The following UST variants were observed in gnomAD, a reference collection of about 807,000 sequenced individuals.
UST encodes uronyl 2-sulfotransferase.
Under a neutral mutation model 45.6 loss-of-function variants are expected in UST, and 21 were observed. The observed-to-expected ratio is 0.46, with a 90% CI of 0.33 to 0.66. UST has a LOEUF of 0.66. UST is among the 30% of genes least tolerant of loss of function. The pLI is 0.02. For missense variants in UST, 463 were observed against 512.4 expected, an observed-to-expected ratio of 0.90 and a Z score of 0.93; for synonymous variants, 215 against 200.6, an observed-to-expected ratio of 1.07 and a Z score of -0.61.
intron 2 of UST, among the ~76,000 whole-genome samples, chr6:148,889,527 G>A (rs912665251): frequency 6.6e-6 from 1 of 152,142 alleles, no homozygotes; most frequent in Non-Finnish European, 1.5e-5. Flanking sequence ...GAGGGGCAAG[G>A]TGAAGCACTC....
chr6:148,877,893 TG>T lies in UST; in HGVS notation c.248-9087del, dbSNP rs529871827. On this transcript the variant is annotated intron_variant, in intron 1 of 7. Transcript: ENST00000367463. ...CGAGTGTGGGGATCGTGTATGAGTT[TG>T]GGGGGTCATGTACGAGTGCGGAGAT... Among the ~76,000 whole-genome samples the T allele has an allele frequency of 4.7e-3, 195 of 41,694 alleles. 3 individuals carry two copies. The highest frequency in any genetic ancestry group is 0.018 in the African/African-American group (185 of 10,174). 27.4% of individuals were successfully genotyped at this position (41,694 alleles called of 152,430 possible).
chr6:148,977,924 C>T (rs1039380609), intron 5 of UST, among the ~76,000 whole-genome samples: 5 of 151,982 alleles, frequency 3.3e-5, no homozygotes, highest in Non-Finnish European at 5.9e-5. Flanking sequence ...ATGTATTTTG[C>T]CTTTCCATTT....
At chr6:149,034,853 TC>T (rs1318809514) in intron 7 of UST, among the ~76,000 whole-genome samples, 7 of 100,262 alleles carry the variant, frequency 7.0e-5, no homozygotes, top group African/African-American at 4.0e-4. Context: ...TCTCTCTCTC[TC>T]TCTCTCTCTC....
intron 5 of UST, among the ~76,000 whole-genome samples, chr6:149,003,678 T>C (rs1271290417): frequency 2.0e-5 from 3 of 152,254 alleles, no homozygotes; most frequent in Non-Finnish European, 4.4e-5. Flanking sequence ...TGCACTAAAA[T>C]CTGTAGACTT....
chr6:148,920,067 G>T (rs552420671), intron 2 of UST, among the ~76,000 whole-genome samples: 6 of 151,402 alleles, frequency 4.0e-5, no homozygotes, highest in African/African-American at 1.5e-4. Context: ...TAGAAGGCAG[G>T]TACACAAAAA....
chr6:148,924,002 A>G (rs1003770104), intron 2 of UST, among the ~76,000 whole-genome samples: 3 of 152,146 alleles, frequency 2.0e-5, no homozygotes, highest in African/African-American at 2.4e-5. Context: ...TGATGATTCA[A>G]TGAAATGAGC....
At chr6:149,048,450 C>T (rs962704515) in intron 7 of UST, among the ~76,000 whole-genome samples, 5 of 151,210 alleles carry the variant, frequency 3.3e-5, no homozygotes, top group East Asian at 1.9e-4. Context: ...GCAGGAGAAT[C>T]GCTTGAACCT....
At chr6:148,937,957 C>T (rs1400246278) in intron 2 of UST, among the ~76,000 whole-genome samples, 1 of 152,208 alleles carries the variant, frequency 6.6e-6, no homozygotes, top group African/African-American at 2.4e-5. Flanking sequence ...ATTCAACCTT[C>T]CTGATCATAA....
rs34342100 is a variant in UST, at chr6:148,748,399, T to TTGTGTGTGTGTG, written c.247+765_247+776dup. On this transcript the variant is annotated intron_variant, in intron 1 of 7. Transcript: ENST00000367463. This position sits in a 1 kb window ranked among gnomAD's most constrained non-coding sequence, Gnocchi z 5.3. ...GTGCGTCTCAAGCTCAAGTCAAAAC[T>TTGTGTGTGTGTG]TGTGTGTGTGTGTGTGTGTGTGTGT... Among the ~76,000 whole-genome samples the TTGTGTGTGTGTG allele has an allele frequency of 6.5e-4, 83 of 127,606 alleles. No individual in the cohort carries two copies. Among genetic ancestry groups the TTGTGTGTGTGTG allele is most frequent in the African/African-American group, 1.2e-3 (39 of 32,582 alleles). The allele number at this position is 127,606 out of a possible 152,430, so 83.7% of individuals were successfully genotyped here.
chr6:148,880,149 T>G (rs1409906841), intron 1 of UST, among the ~76,000 whole-genome samples: 1 of 141,332 alleles, frequency 7.1e-6, no homozygotes, highest in African/African-American at 2.6e-5. Context: ...GAGATGGGGT[T>G]TCACCATGTT....
chr6:148,837,687 C>CTT (rs572104396), intron 1 of UST, among the ~76,000 whole-genome samples: 1 of 141,130 alleles, frequency 7.1e-6, no homozygotes, highest in African/African-American at 2.6e-5. Context: ...CAAGGTCCCT[C>CTT]TTTTTTTTTT....
intron 1 of UST, among the ~76,000 whole-genome samples, chr6:148,779,391 G>T (rs1776595562): frequency 6.6e-6 from 1 of 152,176 alleles, no homozygotes; most frequent in African/African-American, 2.4e-5. Context: ...CCTCCTCTTG[G>T]TTCCTCACCA....
At chr6:148,823,585 A>G (rs1777508462) in intron 1 of UST, among the ~76,000 whole-genome samples, 1 of 152,166 alleles carries the variant, frequency 6.6e-6, no homozygotes, top group Non-Finnish European at 1.5e-5. Flanking sequence ...CCTTTTCATC[A>G]TTAAGTTGAT....
chr6:149,012,022 C>A (rs1775820085), intron 5 of UST, among the ~76,000 whole-genome samples: 1 of 152,164 alleles, frequency 6.6e-6, no homozygotes, highest in Admixed American at 6.6e-5. Flanking sequence ...TGTAAAGGAC[C>A]AGAAAGCCAC....
rs576924112 is a variant in UST, at chr6:148,805,086, C to G, written c.247+57409C>G. ...TTTTGAGTTTCACGTGATGAAAATCCTGTATCTGAGGGTTGATATGCACAT... is the reference window on the plus strand; with the variant it reads ...TTTTGAGTTTCACGTGATGAAAATCGTGTATCTGAGGGTTGATATGCACAT... On this transcript the variant is annotated intron_variant, in intron 1 of 7. Coordinates refer to ENST00000367463, the MANE Select transcript of UST (RefSeq NM_005715.3). Among the ~76,000 whole-genome samples, 545 of 152,092 alleles carry G rather than the reference C, an allele frequency of 3.6e-3. 7 individuals are homozygous for G. The highest frequency in any genetic ancestry group is 0.012 in the African/African-American group (493 of 41,470).
chr6:148,914,018 G>A (rs1214772285), intron 2 of UST, among the ~76,000 whole-genome samples: 1 of 152,114 alleles, frequency 6.6e-6, no homozygotes, highest in Non-Finnish European at 1.5e-5. Flanking sequence ...AGTTCATGAG[G>A]GTGGAACCCT....
At chr6:148,896,319 G>T (rs146456067) in intron 2 of UST, among the ~76,000 whole-genome samples, 1 of 152,180 alleles carries the variant, frequency 6.6e-6, no homozygotes, top group Non-Finnish European at 1.5e-5. Flanking sequence ...CATCCACCTG[G>T]TTTTCCTCTT....
chr6:148,833,604 T>C (rs1412930452), intron 1 of UST, among the ~76,000 whole-genome samples: 3 of 152,174 alleles, frequency 2.0e-5, no homozygotes, highest in Non-Finnish European at 4.4e-5. Flanking sequence ...ATGTTCAAGA[T>C]GAAAAGGATA....
intron 7 of UST, among the ~76,000 whole-genome samples, chr6:149,042,777 A>G (rs1187510154): frequency 6.6e-6 from 1 of 152,112 alleles, no homozygotes; most frequent in Non-Finnish European, 1.5e-5. Flanking sequence ...TTTTTATTTG[A>G]TTTGATATAT....
Sources: allele counts gnomAD v4.1 joint callset (sites outside exome capture counted in the v4.1 genomes callset), GRCh38; gene constraint gnomAD v4.1.1; non-coding constraint Gnocchi (gnomAD v3.1); transcripts MANE v1.5; gene names NCBI Gene and HGNC (gene_info 2026-07-23, HGNC 2026-07-21).